RAB6A: variants seen among roughly 807,000 people sequenced by gnomAD.
RAB6A encodes ras-related protein Rab-6A.
RAB6A carries 8 observed loss-of-function variants against 32.3 expected under a neutral mutation model. That is an observed-to-expected ratio of 0.25 (90% CI 0.15 to 0.45). The LOEUF is 0.45. Among genes scored for constraint, RAB6A ranks in the 20% least tolerant of loss-of-function variants. The pLI is 1.00. For missense variants in RAB6A, 104 were observed against 249.4 expected (o/e 0.42, Z 3.93); for synonymous variants, 73 against 82.1 (o/e 0.89, Z 0.60).
chr11:73,744,261 T>A (rs1946544399), intron 1 of RAB6A, among the ~76,000 whole-genome samples: 1 of 147,898 alleles, frequency 6.8e-6, no homozygotes, highest in African/African-American at 2.5e-5. Context: ...TGGCGTGAAC[T>A]CGGGAGGTGG....
intron 5 of RAB6A, among the ~76,000 whole-genome samples, chr11:73,709,878 T>C (rs1165189887): frequency 1.5e-5 from 2 of 136,492 alleles, no homozygotes; most frequent in South Asian, 2.6e-4. Context: ...CACATATACA[T>C]ACATATATAC....
At chr11:73,704,557 C>A (rs79278076) in intron 6 of RAB6A, among the ~76,000 whole-genome samples, 114 of 150,016 alleles carry the variant, frequency 7.6e-4, no homozygotes, top group Non-Finnish European at 1.1e-3. Flanking sequence ...TGGTGGCGCT[C>A]GACTGTAGTC....
chr11:73,739,278 A>ATAAT (rs1448381477), intron 1 of RAB6A, among the ~76,000 whole-genome samples: 1 of 18,840 alleles, frequency 5.3e-5, no homozygotes, highest in African/African-American at 1.1e-4. Context: ...AAAAAAAAAA[A>ATAAT]AAAAAAATAT....
chr11:73,698,081 C>T (rs1201797550), intron 6 of RAB6A, among the ~76,000 whole-genome samples: 2 of 151,984 alleles, frequency 1.3e-5, no homozygotes, highest in African/African-American at 4.8e-5. Context: ...ATTAGCCAGG[C>T]GAGGTGGAGC....
At chr11:73,679,603 C>A in intron 7 of RAB6A, 51 bp downstream of exon 7, 4 of 1,604,712 alleles carry the variant, frequency 2.5e-6, no homozygotes, top group Non-Finnish European at 3.4e-6. Flanking sequence ...AAGCAGGGCT[C>A]TAAAGACTAG....
intron 6 of RAB6A, among the ~76,000 whole-genome samples, chr11:73,690,280 A>G (rs1945529725): frequency 6.6e-6 from 1 of 152,166 alleles, no homozygotes; most frequent in Non-Finnish European, 1.5e-5. Context: ...CTCCCAGTTC[A>G]ATTTGCCTAG....
chr11:73,706,244 G>C (rs1000557617), intron 6 of RAB6A, among the ~76,000 whole-genome samples: 5 of 152,138 alleles, frequency 3.3e-5, no homozygotes, highest in African/African-American at 9.6e-5. Flanking sequence ...GGCCGGGCGT[G>C]GTGGCTCACA....
At chr11:73,721,570 G>T (rs946929282) in intron 2 of RAB6A, among the ~76,000 whole-genome samples, 1 of 151,728 alleles carries the variant, frequency 6.6e-6, no homozygotes, top group Non-Finnish European at 1.5e-5. Context: ...CTACAAAAAA[G>T]AAAGGAAAAA....
rs60281561 is a variant in RAB6A at position 73,726,581 on chromosome 11, C to CAAAAAAA, written c.129+4177_129+4183dup. 9.3e-3 allele frequency among the ~76,000 whole-genome samples: 279 copies of CAAAAAAA among 29,844 alleles called. 83 individuals are homozygous for CAAAAAAA. The highest frequency in any genetic ancestry group is 0.029 in the East Asian group (24 of 818). The allele number at this position is 29,844 out of a possible 152,430, so 19.6% of individuals were successfully genotyped here. A position where few individuals can be genotyped will look rare whatever the true frequency, so the allele number is the denominator to read the frequency against. ...TGGGTGACAGAGTGAGACTCTGTCTCAAAAAAAAAAAAAAAAAAAAAAAAA... is the reference window on the plus strand; with the variant it reads ...TGGGTGACAGAGTGAGACTCTGTCTCAAAAAAAAAAAAAAAAAAAAAAAAAAAAAAAA... On this transcript the variant is annotated intron_variant, in intron 2 of 7. Coordinates refer to ENST00000336083, the MANE Select transcript of RAB6A (RefSeq NM_198896.2).
intron 1 of RAB6A, among the ~76,000 whole-genome samples, chr11:73,732,674 C>G (rs1055660078): frequency 2.0e-5 from 3 of 152,104 alleles, no homozygotes; most frequent in Non-Finnish European, 4.4e-5. Flanking sequence ...GCAACAGAAT[C>G]GCTTGAATCT....
In RAB6A at chr11:73,730,772, G is replaced by T; in HGVS notation, c.122C>A (p.Thr41Asn). 1.3e-6 allele frequency: 2 copies of T among 1,598,300 alleles called. No homozygotes were observed. The highest frequency in any genetic ancestry group is 1.7e-6 in the Non-Finnish European group (2 of 1,174,024). The change falls in exon 2 of 8, where the codon ACC (threonine) becomes AAC (asparagine). Residue 41 changes from threonine to asparagine, a missense_variant. Thr to Asn is a moderately conservative substitution (Grantham distance 65). Coordinates refer to ENST00000336083, the MANE Select transcript of RAB6A (RefSeq NM_198896.2). ...TTGGCAAAAACAAAATACCTGATAG[G>T]TGTTGTCAAAACTGTCATACATGAA... ...TRFMYDSFDNTYQATIGIDFL... is the reference protein window; with the variant it reads ...TRFMYDSFDNNYQATIGIDFL...
chr11:73,744,626 A>C (rs1054308023), intron 1 of RAB6A, among the ~76,000 whole-genome samples: 2 of 152,130 alleles, frequency 1.3e-5, no homozygotes, highest in African/African-American at 4.8e-5. Context: ...TCATAAGGAC[A>C]AAAAGAGAAA....
At chr11:73,705,940 C>G (rs1945834593) in intron 6 of RAB6A, among the ~76,000 whole-genome samples, 2 of 151,636 alleles carry the variant, frequency 1.3e-5, no homozygotes, top group African/African-American at 4.8e-5. Flanking sequence ...GAGCTGACAT[C>G]TAAACTGAAA....
chr11:73,746,770 T>TA (rs56703610), intron 1 of RAB6A, among the ~76,000 whole-genome samples: 3,511 of 135,234 alleles, frequency 0.026, 83 homozygotes, highest in African/African-American at 0.071. Flanking sequence ...CGAAATAAAT[T>TA]AAAAAAAAAA....
intron 6 of RAB6A, among the ~76,000 whole-genome samples, chr11:73,693,356 A>G (rs1945607031): frequency 6.6e-6 from 1 of 151,982 alleles, no homozygotes; most frequent in Non-Finnish European, 1.5e-5. Context: ...AAGCAAATAT[A>G]ATTGGAATGA....
intron 5 of RAB6A, among the ~76,000 whole-genome samples, chr11:73,714,390 G>A (rs866520836): frequency 7.9e-5 from 12 of 151,744 alleles, no homozygotes; most frequent in Non-Finnish European, 1.2e-4. Context: ...GGCCGGGCGC[G>A]GTGACTCACG....
chr11:73,702,041 CAAG>C (rs1945754122), intron 6 of RAB6A, among the ~76,000 whole-genome samples: 1 of 152,202 alleles, frequency 6.6e-6, no homozygotes, highest in Non-Finnish European at 1.5e-5. Flanking sequence ...CTTCAAAATA[CAAG>C]AAGTAACAGC....
chr11:73,714,216 A>T (rs201367693), intron 5 of RAB6A, among the ~76,000 whole-genome samples: 13,875 of 134,198 alleles, frequency 0.1, 870 homozygotes, highest in South Asian at 0.29. Context: ...AAAAATATAT[A>T]TATATATATA....
chr11:73,729,624 T>C (rs1297067592), intron 2 of RAB6A: 1 of 152,252 alleles, frequency 6.6e-6, no homozygotes, highest in Non-Finnish European at 1.5e-5. Flanking sequence ...CATGTCTTTT[T>C]ACTTTCTATA....
Sources: allele counts gnomAD v4.1 joint callset (sites outside exome capture counted in the v4.1 genomes callset), GRCh38; gene constraint gnomAD v4.1.1; transcripts MANE v1.5; gene names NCBI Gene and HGNC (gene_info 2026-07-23, HGNC 2026-07-21).